MPHOSPH8: variants seen among roughly 807,000 people sequenced by gnomAD.
The protein encoded by MPHOSPH8 is M-phase phosphoprotein 8, also known as M-phase phosphoprotein, mpp.
Under a neutral mutation model 87.3 loss-of-function variants are expected in MPHOSPH8, and 45 were observed. The ratio of observed to expected loss-of-function variants is 0.52; its 90% CI spans 0.41 to 0.66. The LOEUF (loss-of-function observed/expected upper bound fraction) is 0.66. MPHOSPH8 is among the 30% of genes least tolerant of loss of function. The probability of loss-of-function intolerance (pLI) is 0.00; values close to 1 mark genes in which losing one functional copy is unlikely to be tolerated. For synonymous variants in MPHOSPH8, 366 were observed against 376.9 expected, an observed-to-expected ratio of 0.97 and a Z score of 0.33; for missense variants, 883 against 1,020.2, an observed-to-expected ratio of 0.87 and a Z score of 1.83.
intron 5 of MPHOSPH8, among the ~76,000 whole-genome samples, chr13:19,654,889 A>G (rs1875065392): frequency 6.6e-6 from 1 of 152,118 alleles, no homozygotes; most frequent in Non-Finnish European, 1.5e-5. Flanking sequence ...CAGAGGTTTC[A>G]GTGAGCTGAG....
chr13:19,663,776 T>TC (rs1875676004), intron 9 of MPHOSPH8, among the ~76,000 whole-genome samples: 3 of 152,090 alleles, frequency 2.0e-5, no homozygotes. Flanking sequence ...CCGGCTCAGC[T>TC]CCCTGTGGGG....
intron 1 of MPHOSPH8, among the ~76,000 whole-genome samples, chr13:19,636,902 T>C (rs1374620822): frequency 6.6e-6 from 1 of 152,226 alleles, no homozygotes; most frequent in Non-Finnish European, 1.5e-5. Flanking sequence ...AGAAATAGAC[T>C]GCTTCTGGAA....
chr13:19,670,109 C>G, intron 11 of MPHOSPH8, 127 bp from the exon 12 acceptor site: 2 of 1,117,906 alleles, frequency 1.8e-6, no homozygotes, highest in South Asian at 3.0e-5. Context: ...TCTGAGCCTC[C>G]AGGCAGAGTG....
At chr13:19,662,910 G>A (rs1875621732) in intron 8 of MPHOSPH8, 130 bp from the exon 9 acceptor site, 1 of 767,576 alleles carries the variant, frequency 1.3e-6, no homozygotes, top group Non-Finnish European at 2.1e-6. Context: ...CCACGGGAAT[G>A]CTGCAGCCCG....
At chr13:19,643,641 A>C (rs1427210581) in intron 2 of MPHOSPH8, among the ~76,000 whole-genome samples, 1 of 152,154 alleles carries the variant, frequency 6.6e-6, no homozygotes, top group East Asian at 1.9e-4. Flanking sequence ...TTTATTCAGA[A>C]AACAAATATG....
chr13:19,635,119 T>C (rs1873924325), intron 1 of MPHOSPH8, among the ~76,000 whole-genome samples: 1 of 152,230 alleles, frequency 6.6e-6, no homozygotes, highest in Non-Finnish European at 1.5e-5. Flanking sequence ...ATGTATAATT[T>C]CTCCAAATAT....
At position 19,647,393 on chromosome 13, in the gene MPHOSPH8, C is replaced by G. The variant is rs1424141287; in HGVS notation, c.1218+102C>G. 1.6e-5 allele frequency: 15 copies of G among 956,532 alleles called. No individual in the cohort carries two copies. In the Admixed American group the frequency reaches 1.7e-4, roughly 11 times the overall value. 59.3% of individuals were successfully genotyped at this position (956,532 alleles called of 1,614,324 possible). ...CAAGCTATAAGAAAGTGTTTATGAC[C>G]ATGGGCGGTCATAAATGAAGATCCT... On this transcript the variant is annotated intron_variant, in intron 3 of 13. Transcript: ENST00000361479.
chr13:19,662,539 T>A (rs1212739816), intron 8 of MPHOSPH8, among the ~76,000 whole-genome samples: 1 of 152,246 alleles, frequency 6.6e-6, no homozygotes, highest in Non-Finnish European at 1.5e-5. Flanking sequence ...CGCACCCAGC[T>A]GGAGTAACTT....
chr13:19,645,987 C>G (rs1379223431), intron 2 of MPHOSPH8, among the ~76,000 whole-genome samples: 1 of 152,116 alleles, frequency 6.6e-6, no homozygotes, highest in Non-Finnish European at 1.5e-5. Flanking sequence ...CTTGCTTGTT[C>G]TGTACATAAC....
chr13:19,649,979 CA>C, intron 4 of MPHOSPH8, 23 bp from the exon 5 acceptor site: 2 of 1,517,268 alleles, frequency 1.3e-6, no homozygotes, highest in Non-Finnish European at 1.8e-6. Context: ...CATACTTAAC[CA>C]TCTATTTTAA....
In MPHOSPH8 at chr13:19,666,964, C is replaced by T. The variant is rs578151485; in HGVS notation, c.2174+385C>T. On this transcript the variant is annotated intron_variant, in intron 10 of 13. Coordinates refer to ENST00000361479, the MANE Select transcript of MPHOSPH8 (RefSeq NM_017520.4). ...ATCACTTAAGGTCAGGAGTTTGAGACCATCCTGGCCAACATGATGAAACCC... is the reference window on the plus strand; with the variant it reads ...ATCACTTAAGGTCAGGAGTTTGAGATCATCCTGGCCAACATGATGAAACCC... Among the ~76,000 whole-genome samples the T allele has an allele frequency of 3.2e-3, 492 of 152,182 alleles. 4 individuals carry two copies. Among genetic ancestry groups the T allele is most frequent in the African/African-American group, 0.011 (452 of 41,522 alleles).
intron 7 of MPHOSPH8, 23 bp downstream of exon 7, chr13:19,659,312 C>T: frequency 1.3e-6 from 2 of 1,513,772 alleles, no homozygotes; most frequent in South Asian, 2.4e-5. Context: ...TGAAAAATCT[C>T]ATGAAAGGAA....
rs774758659 is a variant in MPHOSPH8, at chr13:19,663,023, T to A, written c.1933-17T>A. ...AATAATTTGGGAAATTAAATTTGCC[T>A]TTTTTTCTTTTCATAGAACTTTTTA... On this transcript the variant is annotated splice_polypyrimidine_tract_variant and intron_variant, in intron 8 of 13. Transcript: ENST00000361479. 1 of 1,583,554 alleles carries A rather than the reference T, an allele frequency of 6.3e-7. No individual in the cohort carries two copies. Among genetic ancestry groups the A allele is most frequent in the Non-Finnish European group, 8.6e-7 (1 of 1,158,910 alleles).
In MPHOSPH8 at chr13:19,656,785, G is replaced by T. The variant is rs563455279; in HGVS notation, c.1577-2210G>T. ...CAAAAATAAAAAATAAAAACATACA[G>T]TTTTCAATAGCAACACATTAAAAGA... On this transcript the variant is annotated intron_variant, in intron 5 of 13. Transcript: ENST00000361479. Among the ~76,000 whole-genome samples, 11 of 151,564 alleles carry T rather than the reference G, an allele frequency of 7.3e-5. No homozygotes were observed. The South Asian group carries it at 1.0e-3, about 14-fold the overall frequency.
rs1283871658 is a variant in MPHOSPH8 at position 19,666,571 on chromosome 13, T to C, written c.2166T>C (p.His722=). The C allele has an allele frequency of 1.9e-6, 3 of 1,578,834 alleles. No individual in the cohort carries two copies. Among genetic ancestry groups the C allele is most frequent in the Non-Finnish European group, 8.7e-7 (1 of 1,152,144 alleles). ...NVLVYDLLKN[H]LETLSRVAEE... is the part of the protein sequence containing the mutation. Reference sequence around the variant, plus strand: ...TTGTGTACGACTTGCTGAAGAACCATTTAGAGACGTAAGTGAGAAGCGACT... The same window carrying C: ...TTGTGTACGACTTGCTGAAGAACCACTTAGAGACGTAAGTGAGAAGCGACT... Residue 722 remains histidine, a synonymous_variant, in exon 10 of 14, where the codon CAT becomes CAC. Coordinates refer to ENST00000361479, the MANE Select transcript of MPHOSPH8 (RefSeq NM_017520.4).
At position 19,666,581 on chromosome 13, in the gene MPHOSPH8, TA is replaced by T; in HGVS notation, c.2174+4del. ...CTTGCTGAAGAACCATTTAGAGACG[TA>T]AGTGAGAAGCGACTGTGCCATAGTT... On this transcript the variant is annotated splice_donor_region_variant and intron_variant, in intron 10 of 13. Coordinates refer to ENST00000361479, the MANE Select transcript of MPHOSPH8 (RefSeq NM_017520.4). The T allele has an allele frequency of 5.1e-6, 8 of 1,573,870 alleles. No individual in the cohort carries two copies. Among genetic ancestry groups the T allele is most frequent in the Non-Finnish European group, 7.0e-6 (8 of 1,148,668 alleles).
Position 19,646,551 on chromosome 13 carries a change from A to G in MPHOSPH8, c.478A>G (p.Arg160Gly). ...PKKKKKKLRQ[R>G]EEKSPDDLKK... The stretch of plus-strand genomic sequence containing the variant: ...GAAGAAAAAGAAAAAATTGAGGCAG[A>G]GAGAAGAGAAAAGCCCAGATGATCT... Residue 160 changes from arginine to glycine, a missense_variant, in exon 3 of 14, where the codon AGA (arginine) becomes GGA (glycine). Physicochemically the swap from Arg to Gly is moderately radical, Grantham distance 125. This residue lies in a region of MPHOSPH8 where 741 missense variants were observed against 841.5 expected (regional missense o/e 0.88). Transcript: ENST00000361479. 6.3e-7 allele frequency: 1 copy of G among 1,581,288 alleles called. No individual in the cohort carries two copies. Among genetic ancestry groups the G allele is most frequent in the Non-Finnish European group, 8.5e-7 (1 of 1,172,344 alleles).
chr13:19,661,814 C>T lies in MPHOSPH8; in HGVS notation c.1908C>T (p.Thr636=), dbSNP rs180823154. The T allele has an allele frequency of 9.9e-6, 16 of 1,612,036 alleles. No individual in the cohort carries two copies. Among genetic ancestry groups the T allele is most frequent in the Admixed American group, 8.4e-5 (5 of 59,748 alleles). ...ACGGTCGGCAGAAGAACGGGACCAC[C>T]GCCCTCATTCATGCTGCAGAGAAGG... ...KVNGRQKNGT[T]ALIHAAEKNF... is the part of the protein sequence containing the mutation. The change falls in exon 8 of 14, where the codon ACC becomes ACT. Residue 636 remains threonine, a synonymous_variant. Coordinates refer to ENST00000361479, the MANE Select transcript of MPHOSPH8 (RefSeq NM_017520.4).
chr13:19,654,343 G>A (rs182851922), intron 5 of MPHOSPH8, among the ~76,000 whole-genome samples: 30 of 152,230 alleles, frequency 2.0e-4, no homozygotes, highest in South Asian at 2.1e-4. Flanking sequence ...TAGGGGCTCC[G>A]GGAGGGATAG....
Sources: allele counts gnomAD v4.1 joint callset (sites outside exome capture counted in the v4.1 genomes callset), GRCh38; gene constraint gnomAD v4.1.1; regional missense constraint gnomAD v4.1.1; transcripts MANE v1.5; gene names NCBI Gene and HGNC (gene_info 2026-07-23, HGNC 2026-07-21).